KDM4C: variants seen among roughly 807,000 people sequenced by gnomAD.
KDM4C encodes lysine demethylase 4C.
In KDM4C, 81 loss-of-function variants were observed where a neutral mutation model predicts 129.3. That is an observed-to-expected ratio of 0.63 (90% confidence interval 0.52 to 0.75). KDM4C has a LOEUF of 0.75. KDM4C is among the 30% of genes least tolerant of loss of function. KDM4C has a pLI of 0.00. For synonymous variants in KDM4C, 573 were observed against 456.1 expected (o/e 1.26, Z -3.26); for missense variants, 1,457 against 1,304.0 (o/e 1.12, Z -1.81).
chr9:6,841,047 C>T (rs958518695), intron 4 of KDM4C, among the ~76,000 whole-genome samples: 17 of 152,228 alleles, frequency 1.1e-4, no homozygotes, highest in Non-Finnish European at 1.9e-4. Context: ...TTGATGACTT[C>T]GTTAAGTTAC....
At chr9:7,140,802 G>A (rs778292385) in intron 19 of KDM4C, among the ~76,000 whole-genome samples, 4 of 152,178 alleles carry the variant, frequency 2.6e-5, no homozygotes, top group Admixed American at 6.5e-5. Context: ...AGTGACATAC[G>A]CAGCATGTAT....
intron 3 of KDM4C, among the ~76,000 whole-genome samples, chr9:6,807,455 G>A (rs945921395): frequency 2.1e-5 from 3 of 145,728 alleles, no homozygotes; most frequent in African/African-American, 5.1e-5. Context: ...CTTCCCAGCC[G>A]CCATCACATC....
At chr9:6,960,300 T>TTA (rs397728314) in intron 8 of KDM4C, among the ~76,000 whole-genome samples, 3 of 150,704 alleles carry the variant, frequency 2.0e-5, no homozygotes, top group Middle Eastern at 3.2e-3. Flanking sequence ...TTTTTTTTTT[T>TTA]AAATACAGGG....
At chr9:6,854,262 C>A (rs1458261570) in intron 5 of KDM4C, among the ~76,000 whole-genome samples, 1 of 152,054 alleles carries the variant, frequency 6.6e-6, no homozygotes, top group Non-Finnish European at 1.5e-5. Context: ...GGTGCGGTGG[C>A]TCACGCCTGT....
chr9:7,100,399 C>T (rs1159965122), intron 17 of KDM4C, among the ~76,000 whole-genome samples: 2 of 151,936 alleles, frequency 1.3e-5, no homozygotes, highest in African/African-American at 2.4e-5. Context: ...GAGTGCAATG[C>T]CGTGATTTTG....
intron 1 of KDM4C, among the ~76,000 whole-genome samples, chr9:6,790,491 T>G (rs1826344221): frequency 6.6e-6 from 1 of 151,002 alleles, no homozygotes; most frequent in Non-Finnish European, 1.5e-5. Flanking sequence ...TGACCTCAAC[T>G]GATCCGCCCG....
chr9:6,996,907 G>C (rs1162230691), intron 12 of KDM4C, among the ~76,000 whole-genome samples: 1 of 151,988 alleles, frequency 6.6e-6, no homozygotes, highest in Non-Finnish European at 1.5e-5. Context: ...TGATGGAGTG[G>C]GTTATCTGAT....
chr9:6,917,148 G>A (rs552606254), intron 8 of KDM4C, among the ~76,000 whole-genome samples: 232 of 152,310 alleles, frequency 1.5e-3, no homozygotes, highest in Admixed American at 2.4e-3. Flanking sequence ...AGGGCTGTGG[G>A]AGAGATGCTC....
chr9:6,798,115 T>C (rs1000405038), intron 2 of KDM4C, among the ~76,000 whole-genome samples: 5 of 152,190 alleles, frequency 3.3e-5, no homozygotes, highest in Non-Finnish European at 7.3e-5. Context: ...ATTTGAACTC[T>C]TTAATTTAAA....
chr9:6,925,544 C>G, intron 8 of KDM4C: 1 of 959,002 alleles, frequency 1.0e-6, no homozygotes, highest in Non-Finnish European at 1.2e-6. Context: ...AGTCCTCCCA[C>G]CTTGGCCTCC....
intron 1 of KDM4C, among the ~76,000 whole-genome samples, chr9:6,786,688 C>T (rs1210371043): frequency 1.3e-5 from 2 of 152,004 alleles, no homozygotes; most frequent in Non-Finnish European, 2.9e-5. Context: ...ACAAGAGGGA[C>T]TGGGGATTTA....
intron 8 of KDM4C, among the ~76,000 whole-genome samples, chr9:6,977,567 C>A (rs1241741469): frequency 6.6e-6 from 1 of 152,134 alleles, no homozygotes; most frequent in Non-Finnish European, 1.5e-5. Context: ...ATAAGTCGAA[C>A]CCCTGCCTCC....
chr9:6,856,509 A>T, intron 5 of KDM4C, among the ~76,000 whole-genome samples: 1 of 149,316 alleles, frequency 6.7e-6, no homozygotes, highest in South Asian at 2.1e-4. Flanking sequence ...TAGGTTATTG[A>T]TTAGTTTTAG....
In KDM4C at chr9:6,807,505, T is replaced by C. The variant is rs1196114380; in HGVS notation, c.320+1731T>C. On this transcript the variant is annotated intron_variant, in intron 3 of 21. Coordinates refer to ENST00000381309, the MANE Select transcript of KDM4C (RefSeq NM_015061.6). ...CGTCTCTGCCCGGCCGCCCATCGTC[T>C]GAGATGTGGGGAGCGCCTCTGCCCC... is the stretch of plus-strand genomic sequence containing the variant. Among the ~76,000 whole-genome samples, 12 of 138,740 alleles carry C rather than the reference T, an allele frequency of 8.6e-5. No homozygotes were observed. The East Asian group carries it at 2.6e-3, about 30-fold the overall frequency. The allele number at this position is 138,740 out of a possible 152,430, so 91.0% of individuals were successfully genotyped here.
intron 4 of KDM4C, among the ~76,000 whole-genome samples, chr9:6,839,290 C>T (rs1293743987): frequency 4.6e-5 from 7 of 152,028 alleles, no homozygotes; most frequent in South Asian, 4.1e-4. Flanking sequence ...AGTGCAGTAG[C>T]GCCATCATTG....
chr9:6,924,324 C>G (rs1049984636), intron 8 of KDM4C, among the ~76,000 whole-genome samples: 6 of 152,164 alleles, frequency 3.9e-5, no homozygotes, highest in Admixed American at 3.9e-4. Context: ...GCCCTAGTCT[C>G]TTACCTGTCT....
intron 1 of KDM4C, among the ~76,000 whole-genome samples, chr9:6,722,022 TA>T (rs1323505430): frequency 6.6e-6 from 1 of 152,228 alleles, no homozygotes; most frequent in Non-Finnish European, 1.5e-5. Context: ...ATGCCTGGCC[TA>T]AAAGCAATGT....
chr9:7,072,539 G>A (rs1484106623), intron 17 of KDM4C, among the ~76,000 whole-genome samples: 1 of 152,126 alleles, frequency 6.6e-6, no homozygotes, highest in Non-Finnish European at 1.5e-5. Flanking sequence ...CCGTACTGTT[G>A]AATTCAATTT....
At chr9:6,884,961 A>G (rs1845035296) in intron 6 of KDM4C, among the ~76,000 whole-genome samples, 1 of 152,252 alleles carries the variant, frequency 6.6e-6, no homozygotes, top group African/African-American at 2.4e-5. Flanking sequence ...CATCCACTCT[A>G]TTTCAAAAAT....
Sources: gnomAD v4.1 joint callset for allele counts (sites outside exome capture counted in the v4.1 genomes callset) on GRCh38, gnomAD v4.1.1 for gene constraint, MANE v1.5 for transcripts, NCBI Gene and HGNC (gene_info 2026-07-23, HGNC 2026-07-21) for gene names.